The following EFCAB6 variants were observed in gnomAD, a reference collection of about 807,000 sequenced individuals.
EFCAB6 encodes the protein EF-hand calcium binding domain 6.
In EFCAB6, 156 loss-of-function variants were observed where a neutral mutation model predicts 169.8. That is an observed-to-expected ratio of 0.92 (90% CI 0.81 to 1.05). The LOEUF is 1.05. EFCAB6 is among the 50% of genes least tolerant of loss of function. The probability of loss-of-function intolerance (pLI) is 0.00; values close to 1 mark genes in which losing one functional copy is unlikely to be tolerated. For missense variants in EFCAB6, 1,800 were observed against 1,829.1 expected, an observed-to-expected ratio of 0.98 and a Z score of 0.29; for synonymous variants, 698 against 676.4, an observed-to-expected ratio of 1.03 and a Z score of -0.50.
chr22:43,678,850 G>A (rs546568867), intron 12 of EFCAB6, among the ~76,000 whole-genome samples: 13 of 152,262 alleles, frequency 8.5e-5, no homozygotes, highest in Admixed American at 5.9e-4. Context: ...GAATATTAAC[G>A]TGACAAAAGG....
intron 17 of EFCAB6, among the ~76,000 whole-genome samples, chr22:43,653,314 G>A (rs2056571113): frequency 6.6e-6 from 1 of 151,950 alleles, no homozygotes; most frequent in Non-Finnish European, 1.5e-5. Flanking sequence ...AAAATCTTAA[G>A]AGCTGCTAGA....
intron 6 of EFCAB6, among the ~76,000 whole-genome samples, chr22:43,741,536 G>A (rs2147745853): frequency 6.6e-6 from 1 of 152,232 alleles, no homozygotes; most frequent in East Asian, 1.9e-4. Flanking sequence ...ATCAACACCT[G>A]GACCATTTCC....
At position 43,667,145 on chromosome 22, in the gene EFCAB6, T is replaced by C; in HGVS notation, c.1942A>G (p.Lys648Glu). The change falls in exon 17 of 32, where the codon AAG (lysine) becomes GAG (glutamate). Residue 648 changes from lysine to glutamate, a missense_variant. Coordinates refer to ENST00000262726, the MANE Select transcript of EFCAB6 (RefSeq NM_022785.4). ...ACGTTAATTTTTCCATTAGGCTCCT[T>C]GCTGAAGTCAAGAAATCGTTTTTTG... is the stretch of plus-strand genomic sequence containing the variant. The part of the protein sequence containing the change: ...AFKKRFLDFS[K>E]EPNGKINVHD... 6.2e-7 allele frequency: 1 copy of C among 1,614,162 alleles called. No homozygotes were observed.
Position 43,615,816 on chromosome 22 carries a change from A to T in EFCAB6, c.2562+10T>A. On this transcript the variant is annotated intron_variant, in intron 21 of 31. Coordinates refer to ENST00000262726, the MANE Select transcript of EFCAB6 (RefSeq NM_022785.4). ...TTTCTTTCCTTTTAAGGAAATAATC[A>T]TTTTCTTACCTTAGACAAGTCTGAC... 6.2e-7 allele frequency: 1 copy of T among 1,606,450 alleles called. No individual in the cohort carries two copies. The highest frequency in any genetic ancestry group is 8.5e-7 in the Non-Finnish European group (1 of 1,175,876).
At chr22:43,535,536 C>G (rs1368314090) in intron 29 of EFCAB6, 1 of 152,348 alleles carries the variant, frequency 6.6e-6, no homozygotes, top group Middle Eastern at 3.4e-3. Flanking sequence ...CCCACCGGAA[C>G]CTCTGAAGAG....
chr22:43,569,701 G>A (rs1046565931), intron 26 of EFCAB6, among the ~76,000 whole-genome samples: 1 of 152,230 alleles, frequency 6.6e-6, no homozygotes, highest in Non-Finnish European at 1.5e-5. Context: ...GTCAGCCTGA[G>A]TTACCCCTCA....
intron 17 of EFCAB6, among the ~76,000 whole-genome samples, chr22:43,640,788 G>T (rs1031253431): frequency 1.3e-5 from 2 of 152,212 alleles, no homozygotes; most frequent in South Asian, 4.2e-4. Flanking sequence ...CTGATTTATT[G>T]ACTTACTTAA....
intron 27 of EFCAB6, chr22:43,553,566 G>A (rs2048512571): frequency 6.6e-6 from 1 of 152,372 alleles, no homozygotes; most frequent in Non-Finnish European, 1.5e-5. Flanking sequence ...TCAGCGCCCT[G>A]CACTGCTTTG....
In EFCAB6 at chr22:43,795,075, A is replaced by G. The variant is rs555840892; in HGVS notation, c.-7-12750T>C. ...CCCTGCCCGAACCTCATCGTCACAG[A>G]CAGTCTACCCTCACACACTGTAAGA... On this transcript the variant is annotated intron_variant, in intron 2 of 31. Transcript: ENST00000262726. The surrounding 1 kb of genome is among the most constrained non-coding windows in gnomAD (Gnocchi z 4.2). Among the ~76,000 whole-genome samples, 16 of 152,288 alleles carry G rather than the reference A, an allele frequency of 1.1e-4. No individual in the cohort carries two copies. The highest frequency in any genetic ancestry group is 3.1e-4 in the African/African-American group (13 of 41,558).
chr22:43,681,116 T>C lies in EFCAB6; in HGVS notation c.1251+2631A>G, dbSNP rs758288312. ...ATGGGTTTGTTGTAAATTCCCTTTA[T>C]CAGGTGAAGGTATTTCTCTTCTGTT... On this transcript the variant is annotated intron_variant, in intron 12 of 31. Transcript: ENST00000262726. Among the ~76,000 whole-genome samples, 3 of 152,240 alleles carry C rather than the reference T, an allele frequency of 2.0e-5. No individual in the cohort carries two copies. The South Asian group carries it at 6.2e-4, about 31-fold the overall frequency.
At chr22:43,708,402 A>G (rs922723752) in intron 10 of EFCAB6, among the ~76,000 whole-genome samples, 19 of 152,144 alleles carry the variant, frequency 1.2e-4, no homozygotes, top group Non-Finnish European at 2.1e-4. Context: ...GTCTCAAAAA[A>G]AAAGGAAAAC....
intron 17 of EFCAB6, among the ~76,000 whole-genome samples, chr22:43,655,832 C>T (rs1476854635): frequency 2.6e-5 from 4 of 152,162 alleles, no homozygotes; most frequent in South Asian, 4.1e-4. Flanking sequence ...AAAAGAAAGC[C>T]GAAGTGACTA....
chr22:43,715,907 T>G (rs2059318770), intron 9 of EFCAB6, among the ~76,000 whole-genome samples: 1 of 152,242 alleles, frequency 6.6e-6, no homozygotes. Flanking sequence ...ATCCGTCTAT[T>G]GAACATTTTA....
intron 10 of EFCAB6, among the ~76,000 whole-genome samples, chr22:43,690,343 C>CAAAAAAAAAAAAAAA (rs137802): frequency 2.1e-5 from 2 of 95,846 alleles, no homozygotes; most frequent in African/African-American, 4.1e-5. Context: ...ACTAAAAATA[C>CAAAAAAAAAAAAAAA]AAAAAAAAAA....
At chr22:43,623,908 C>CAAA (rs59667895) in intron 20 of EFCAB6, among the ~76,000 whole-genome samples, 1 of 94,818 alleles carries the variant, frequency 1.1e-5, no homozygotes, top group Admixed American at 1.1e-4. Context: ...GACTCCTTCT[C>CAAA]AAAAAAAAAA....
At chr22:43,574,586 C>G (rs891273233) in intron 26 of EFCAB6, among the ~76,000 whole-genome samples, 1 of 151,444 alleles carries the variant, frequency 6.6e-6, no homozygotes, top group Non-Finnish European at 1.5e-5. Context: ...TCCTTTTTTA[C>G]GTATATTTTT....
At chr22:43,579,492 ATCATTGCTTACCTGCAAGCATCAT>A (rs1569191011) in intron 25 of EFCAB6, among the ~76,000 whole-genome samples, 38 of 149,928 alleles carry the variant, frequency 2.5e-4, no homozygotes, top group African/African-American at 9.2e-4. Context: ...ACATGTAGGC[ATCATTGCTTACCTGCAAGCATCAT>A]TCCATACACA....
chr22:43,561,366 A>AAAAAAG (rs1555923770), intron 26 of EFCAB6, among the ~76,000 whole-genome samples: 8 of 151,764 alleles, frequency 5.3e-5, no homozygotes, highest in Non-Finnish European at 1.5e-5. Context: ...CAAAAAAAAA[A>AAAAAAG]AAAGAAAGAA....
chr22:43,716,271 C>T (rs183197779), intron 9 of EFCAB6, among the ~76,000 whole-genome samples: 2 of 152,318 alleles, frequency 1.3e-5, no homozygotes, highest in East Asian at 3.9e-4. Flanking sequence ...AAATAAGCCT[C>T]TCTCACTACA....
Sources: allele counts gnomAD v4.1 joint callset (sites outside exome capture counted in the v4.1 genomes callset), GRCh38; gene constraint gnomAD v4.1.1; non-coding constraint Gnocchi (gnomAD v3.1); transcripts MANE v1.5; gene names NCBI Gene and HGNC (gene_info 2026-07-23, HGNC 2026-07-21).